SCEL: variants seen among roughly 807,000 people sequenced by gnomAD.
SCEL encodes sciellin.
In SCEL, 113 loss-of-function variants were observed where a neutral mutation model predicts 117.6. The ratio of observed to expected loss-of-function variants is 0.96; its 90% CI spans 0.83 to 1.12. The LOEUF (loss-of-function observed/expected upper bound fraction) is 1.12. Ranked by LOEUF, SCEL falls within the 50% of genes most tolerant of loss-of-function variation. The probability of loss-of-function intolerance (pLI) is 0.00; values close to 1 mark genes in which losing one functional copy is unlikely to be tolerated. For synonymous variants in SCEL, 270 were observed against 256.2 expected, an observed-to-expected ratio of 1.05 and a Z score of -0.51; for missense variants, 785 against 810.8, an observed-to-expected ratio of 0.97 and a Z score of 0.39.
intron 3 of SCEL, among the ~76,000 whole-genome samples, chr13:77,559,397 G>A (rs771724650): frequency 2.0e-5 from 3 of 152,164 alleles, no homozygotes; most frequent in Non-Finnish European, 4.4e-5. Context: ...GACGTAATGG[G>A]CTTACTTAAA....
Position 77,556,728 on chromosome 13 carries a change from A to T in SCEL, c.161+15A>T. On this transcript the variant is annotated intron_variant, in intron 3 of 32. Coordinates refer to ENST00000349847, the MANE Select transcript of SCEL (RefSeq NM_144777.3). ...GAAGAAGAAAAGTAAGCTGGTGTGG[A>T]GCGTGGTGGGTGGACAGAAGGGCAG... The T allele has an allele frequency of 3.8e-6, 6 of 1,566,278 alleles. No homozygotes were observed. Among genetic ancestry groups the T allele is most frequent in the African/African-American group, 1.4e-5 (1 of 74,002 alleles).
intron 9 of SCEL, among the ~76,000 whole-genome samples, chr13:77,587,405 G>A (rs1434556622): frequency 6.6e-6 from 1 of 151,982 alleles, no homozygotes. Flanking sequence ...ACATGCTGTA[G>A]TAACCTTCCT....
At chr13:77,560,153 G>A (rs191085483) in intron 4 of SCEL, among the ~76,000 whole-genome samples, 235 of 152,086 alleles carry the variant, frequency 1.5e-3, no homozygotes, top group Non-Finnish European at 1.4e-3. Flanking sequence ...ATATCAGGCC[G>A]GGTGCCATGG....
intron 30 of SCEL, among the ~76,000 whole-genome samples, chr13:77,637,554 C>G (rs930353693): frequency 2.0e-5 from 3 of 151,958 alleles, no homozygotes; most frequent in Non-Finnish European, 4.4e-5. Flanking sequence ...TCTTGGATTC[C>G]TGGCTGTTGC....
At chr13:77,643,953 A>G in intron 32 of SCEL, among the ~76,000 whole-genome samples, 1 of 152,108 alleles carries the variant, frequency 6.6e-6, no homozygotes, top group East Asian at 1.9e-4. Context: ...AGTGGGTGTG[A>G]TTACCAAAAG....
intron 2 of SCEL, 21 bp downstream of exon 2, chr13:77,555,939 C>T (rs778251980): frequency 6.2e-7 from 1 of 1,607,436 alleles, no homozygotes; most frequent in South Asian, 1.1e-5. Flanking sequence ...TGATGTTTCT[C>T]TCACTCAGAA....
At chr13:77,629,657 G>A (rs1162079418) in intron 28 of SCEL, among the ~76,000 whole-genome samples, 3 of 152,162 alleles carry the variant, frequency 2.0e-5, no homozygotes, top group Admixed American at 6.5e-5. Flanking sequence ...CCAAAAGGCA[G>A]AGTAATTAGA....
At chr13:77,618,946 C>T (rs2089254821) in intron 27 of SCEL, among the ~76,000 whole-genome samples, 1 of 152,132 alleles carries the variant, frequency 6.6e-6, no homozygotes, top group Admixed American at 6.6e-5. Context: ...ATTTTACACT[C>T]TTAAGATATC....
chr13:77,536,854 C>T (rs1323831359), intron 1 of SCEL, among the ~76,000 whole-genome samples: 1 of 152,226 alleles, frequency 6.6e-6, no homozygotes, highest in Non-Finnish European at 1.5e-5. Context: ...GGGGGTTAGA[C>T]ACACCAGTGC....
chr13:77,593,463 C>A, intron 11 of SCEL, 51 bp from the exon 12 acceptor site: 1 of 1,435,966 alleles, frequency 7.0e-7, no homozygotes, highest in South Asian at 1.2e-5. Context: ...TTAGCTCCTT[C>A]AAAAATAGCT....
At chr13:77,601,989 C>G in intron 15 of SCEL, 76 bp from the exon 16 acceptor site, 1 of 1,132,952 alleles carries the variant, frequency 8.8e-7, no homozygotes, top group Non-Finnish European at 1.3e-6. Context: ...GTTGTCATTA[C>G]GAGAGTCTGA....
chr13:77,627,337 T>C (rs2089791112), intron 27 of SCEL, among the ~76,000 whole-genome samples: 1 of 152,204 alleles, frequency 6.6e-6, no homozygotes, highest in Non-Finnish European at 1.5e-5. Context: ...GAAAACACAG[T>C]ACTTCATGAC....
At chr13:77,545,065 T>A (rs895152903) in intron 1 of SCEL, among the ~76,000 whole-genome samples, 1 of 152,218 alleles carries the variant, frequency 6.6e-6, no homozygotes, top group Non-Finnish European at 1.5e-5. Context: ...AGGTAAAGGT[T>A]TTTCTACTTC....
At chr13:77,577,723 A>G (rs1224605994) in intron 9 of SCEL, among the ~76,000 whole-genome samples, 1 of 152,232 alleles carries the variant, frequency 6.6e-6, no homozygotes, top group Non-Finnish European at 1.5e-5. Context: ...TAATAAAGAT[A>G]TGGGATGGTG....
intron 31 of SCEL, among the ~76,000 whole-genome samples, chr13:77,642,153 A>G (rs750925570): frequency 2.0e-5 from 3 of 152,140 alleles, no homozygotes; most frequent in Non-Finnish European, 4.4e-5. Context: ...ACATGTTCAC[A>G]CTCTTAGAAA....
At chr13:77,636,137 T>G (rs979082585) in intron 29 of SCEL, among the ~76,000 whole-genome samples, 2 of 152,200 alleles carry the variant, frequency 1.3e-5, no homozygotes, top group Non-Finnish European at 2.9e-5. Context: ...AAATCTACAT[T>G]GACAGGCAGC....
At chr13:77,595,729 A>C (rs1162293445) in intron 12 of SCEL, among the ~76,000 whole-genome samples, 1 of 152,188 alleles carries the variant, frequency 6.6e-6, no homozygotes, top group African/African-American at 2.4e-5. Context: ...GGGACTGGGT[A>C]GTGTTTGTCA....
chr13:77,634,004 G>T (rs934474071), intron 28 of SCEL, among the ~76,000 whole-genome samples: 1 of 152,152 alleles, frequency 6.6e-6, no homozygotes, highest in East Asian at 1.9e-4. Context: ...GCTAATTAAG[G>T]TCTACTTTTG....
Position 77,642,787 on chromosome 13 carries a change from C to A in SCEL, c.2029C>A (p.Pro677Thr). The A allele has an allele frequency of 3.8e-6, 6 of 1,594,260 alleles. No homozygotes were observed. Among genetic ancestry groups the A allele is most frequent in the Non-Finnish European group, 5.1e-6 (6 of 1,168,802 alleles). Residue 677 changes from proline to threonine, a missense_variant, in exon 32 of 33, where the codon CCT becomes ACT. By Grantham distance (38) the Pro-to-Thr change is conservative. Coordinates refer to ENST00000349847, the MANE Select transcript of SCEL (RefSeq NM_144777.3). ...TTATAGACAGACAATACACTGTGAA[C>A]CTTGCTACTCTAAAATTATGGGTAA... ...WIYRQTIHCEPCYSKIMAKWI... is the reference protein window; with the variant it reads ...WIYRQTIHCETCYSKIMAKWI...
Sources: allele counts gnomAD v4.1 joint callset (sites outside exome capture counted in the v4.1 genomes callset), GRCh38; gene constraint gnomAD v4.1.1; transcripts MANE v1.5; gene names NCBI Gene and HGNC (gene_info 2026-07-23, HGNC 2026-07-21).